Variants in PPARA observed in about 807,000 individuals in gnomAD.
PPARA encodes the protein peroxisome proliferator-activated receptor alpha.
Under a neutral mutation model 42.2 loss-of-function variants are expected in PPARA, and 22 were observed. The observed-to-expected ratio is 0.52, with a 90% confidence interval of 0.37 to 0.74. PPARA has a LOEUF of 0.74. Among genes scored for constraint, PPARA ranks in the 30% least tolerant of loss-of-function variants. PPARA has a pLI of 0.00. For synonymous variants in PPARA, 242 were observed against 239.3 expected (o/e 1.01, Z -0.10); for missense variants, 465 against 608.2 (o/e 0.76, Z 2.48).
chr22:46,175,694 A>G (rs1342632902), intron 2 of PPARA, among the ~76,000 whole-genome samples: 1 of 151,474 alleles, frequency 6.6e-6, no homozygotes, highest in African/African-American at 2.4e-5. Context: ...AGACTGGGTG[A>G]CAAAGCGAGA....
intron 2 of PPARA, among the ~76,000 whole-genome samples, chr22:46,172,389 G>A (rs941467925): frequency 2.0e-5 from 3 of 151,870 alleles, no homozygotes; most frequent in Admixed American, 2.0e-4. Context: ...AGCATTTTGG[G>A]AGGCCGAGGT....
In PPARA at chr22:46,167,223, T is replaced by A. The variant is rs1241272404; in HGVS notation, c.-126-9530T>A. Among the ~76,000 whole-genome samples the A allele has an allele frequency of 6.6e-6, 1 of 151,514 alleles. No homozygotes were observed. Among genetic ancestry groups the A allele is most frequent in the East Asian group, 1.9e-4 (1 of 5,182 alleles). On this transcript the variant is annotated intron_variant, in intron 2 of 8. Coordinates refer to ENST00000407236, the MANE Select transcript of PPARA (RefSeq NM_005036.6). The surrounding 1 kb of genome is among the most constrained non-coding windows in gnomAD (Gnocchi z 4.1). The stretch of plus-strand genomic sequence containing the variant: ...TTCAGCTCACAGCACTACAAACTCA[T>A]AATTATTATCATTATATTATACTAT...
intron 4 of PPARA, among the ~76,000 whole-genome samples, chr22:46,205,519 CATATATATATATATATATATAT>C (rs552533545): frequency 0.013 from 460 of 34,426 alleles, 19 homozygotes; most frequent in African/African-American, 0.035. Context: ...CATGCCCAGC[CATATATATATATATATATATAT>C]ATATATATAT....
Position 46,231,432 on chromosome 22 carries a change from G to C in PPARA, c.712-360G>C, listed in dbSNP as rs1427070337. On this transcript the variant is annotated intron_variant, in intron 7 of 8. Coordinates refer to ENST00000407236, the MANE Select transcript of PPARA (RefSeq NM_005036.6). This position sits in a 1 kb window ranked among gnomAD's most constrained non-coding sequence, Gnocchi z 7.7. ...GACGGGGTTTCACCATGCTGGCCAGGCTGGTCTCGAACTCTTGACCTCAGG... is the reference window on the plus strand; with the variant it reads ...GACGGGGTTTCACCATGCTGGCCAGCCTGGTCTCGAACTCTTGACCTCAGG... 1.3e-5 allele frequency among the ~76,000 whole-genome samples: 2 copies of C among 151,962 alleles called. No individual in the cohort carries two copies. Among genetic ancestry groups the C allele is most frequent in the East Asian group, 3.9e-4 (2 of 5,188 alleles).
In PPARA at chr22:46,215,305, A is replaced by C; in HGVS notation, c.341A>C (p.Tyr114Ser). ...GGGGACAAGGCCTCAGGCTATCATT[A>C]CGGAGTCCACGCGTGTGAAGGCTGC... ...ICGDKASGYH[Y>S]GVHACEGCKG... Residue 114 changes from tyrosine to serine, a missense_variant, in exon 5 of 9, where the codon TAC becomes TCC. Coordinates refer to ENST00000407236, the MANE Select transcript of PPARA (RefSeq NM_005036.6). 6.2e-7 allele frequency: 1 copy of C among 1,614,194 alleles called. No homozygotes were observed. Among genetic ancestry groups the C allele is most frequent in the Non-Finnish European group, 8.5e-7 (1 of 1,180,034 alleles).
Position 46,150,664 on chromosome 22 carries a change from C to T in PPARA, c.-210+12C>T, listed in dbSNP as rs1387999412. The T allele has an allele frequency of 3.6e-4, 4 of 10,972 alleles. No individual in the cohort carries two copies. Among genetic ancestry groups the T allele is most frequent in the Non-Finnish European group, 8.5e-4 (4 of 4,698 alleles). The allele number at this position is 10,972 out of a possible 1,614,324, so 0.7% of individuals were successfully genotyped here. Reference sequence around the variant, plus strand: ...GGACCGCGGCCCAGGTGCCCGGGGGCGGGCGGGCGGGCGGGCGGGAACGCG... The same window carrying T: ...GGACCGCGGCCCAGGTGCCCGGGGGTGGGCGGGCGGGCGGGCGGGAACGCG... On this transcript the variant is annotated intron_variant, in intron 1 of 8. Transcript: ENST00000407236. The surrounding 1 kb of genome is among the most constrained non-coding windows in gnomAD (Gnocchi z 7.5).
Position 46,184,645 on chromosome 22 carries a change from G to T in PPARA, c.-43+7809G>T, listed in dbSNP as rs4253687. On this transcript the variant is annotated intron_variant, in intron 3 of 8. Coordinates refer to ENST00000407236, the MANE Select transcript of PPARA (RefSeq NM_005036.6). This position sits in a 1 kb window ranked among gnomAD's most constrained non-coding sequence, Gnocchi z 4.4. The stretch of plus-strand genomic sequence containing the variant: ...TGGGAGGCCGAGATTACCTGAGGTC[G>T]GAAGTTCAAGACCAGCCTGGCCAAT... Among the ~76,000 whole-genome samples, 1 of 152,122 alleles carries T rather than the reference G, an allele frequency of 6.6e-6. No homozygotes were observed. Among genetic ancestry groups the T allele is most frequent in the Non-Finnish European group, 1.5e-5 (1 of 68,016 alleles).
chr22:46,228,692 T>A (rs1439306131), intron 7 of PPARA, among the ~76,000 whole-genome samples: 1 of 152,224 alleles, frequency 6.6e-6, no homozygotes, highest in African/African-American at 2.4e-5. Context: ...CCCCTGCTTA[T>A]CCTAGCCTCA....
Position 46,163,069 on chromosome 22 carries a change from CTG to C in PPARA, c.-127+11100_-127+11101del, listed in dbSNP as rs1156364998. On this transcript the variant is annotated intron_variant, in intron 2 of 8. Coordinates refer to ENST00000407236, the MANE Select transcript of PPARA (RefSeq NM_005036.6). The surrounding 1 kb of genome is among the most constrained non-coding windows in gnomAD (Gnocchi z 4.9). ...CTTCAAGGAGAGGCACGGAGGGAAA[CTG>C]AGAGCAGCCTGCAGAGGGGAAAGAG... 5.9e-5 allele frequency among the ~76,000 whole-genome samples: 9 copies of C among 152,150 alleles called. No individual in the cohort carries two copies. The highest frequency in any genetic ancestry group is 1.2e-4 in the Non-Finnish European group (8 of 68,018).
At chr22:46,177,009 G>T (rs565522929) in intron 3 of PPARA, among the ~76,000 whole-genome samples, 173 bp downstream of exon 3, 13 of 152,320 alleles carry the variant, frequency 8.5e-5, no homozygotes, top group East Asian at 1.9e-4. Flanking sequence ...AGGAGATTGA[G>T]ACCATCCTGG....
In PPARA at chr22:46,233,005, TACACAC is replaced by T. The variant is rs34036883; in HGVS notation, c.1159+782_1159+787del. ...TCAAAAAAAAAAAAAAAAAAAATTA[TACACAC>T]ACACACACACACACATTTCGTTTAT... is the stretch of plus-strand genomic sequence containing the variant. On this transcript the variant is annotated intron_variant, in intron 8 of 8. Transcript: ENST00000407236. This position sits in a 1 kb window ranked among gnomAD's most constrained non-coding sequence, Gnocchi z 7.3. Among the ~76,000 whole-genome samples the T allele has an allele frequency of 1.5e-3, 213 of 138,756 alleles. 1 individual carries two copies. The highest frequency in any genetic ancestry group is 1.5e-3 in the South Asian group (7 of 4,538). 91.0% of individuals were successfully genotyped at this position (138,756 alleles called of 152,430 possible).
intron 3 of PPARA, among the ~76,000 whole-genome samples, 174 bp downstream of exon 3, chr22:46,177,010 AC>A: frequency 6.6e-6 from 1 of 152,310 alleles, no homozygotes; most frequent in Non-Finnish European, 1.5e-5. Context: ...GGAGATTGAG[AC>A]CATCCTGGCT....
At chr22:46,189,863 C>T (rs939865342) in intron 3 of PPARA, among the ~76,000 whole-genome samples, 9 of 152,092 alleles carry the variant, frequency 5.9e-5, no homozygotes, top group South Asian at 4.1e-4. Context: ...CGTGCCACCA[C>T]GCCCAGCTAA....
Position 46,168,351 on chromosome 22 carries a change from C to CAAAAAAAAAAAAA in PPARA, c.-126-8387_-126-8375dup, listed in dbSNP as rs35345592. On this transcript the variant is annotated intron_variant, in intron 2 of 8. Transcript: ENST00000407236. Reference sequence around the variant, plus strand: ...TGGACAACAGAGCGAGACTCCATCTCAAAAAAAAAAAAAAAAAAAAAAAAA... The same window carrying CAAAAAAAAAAAAA: ...TGGACAACAGAGCGAGACTCCATCTCAAAAAAAAAAAAAAAAAAAAAAAAAAAAAAAAAAAAAA... 1.6e-3 allele frequency among the ~76,000 whole-genome samples: 23 copies of CAAAAAAAAAAAAA among 14,380 alleles called. 1 individual carries two copies. The highest frequency in any genetic ancestry group is 1.9e-3 in the African/African-American group (9 of 4,644). The allele number at this position is 14,380 out of a possible 152,430, so 9.4% of individuals were successfully genotyped here.
intron 3 of PPARA, among the ~76,000 whole-genome samples, chr22:46,181,120 C>T (rs974375536): frequency 2.0e-5 from 3 of 152,138 alleles, no homozygotes; most frequent in East Asian, 1.9e-4. Flanking sequence ...GAAACTTACA[C>T]CTTAGCCGAT....
chr22:46,191,195 A>G lies in PPARA; in HGVS notation c.-42-7147A>G, dbSNP rs1240717302. On this transcript the variant is annotated intron_variant, in intron 3 of 8. Transcript: ENST00000407236. This position sits in a 1 kb window ranked among gnomAD's most constrained non-coding sequence, Gnocchi z 4.6. ...GGTGACAGAGTGAGACTGCATCTAT[A>G]AAAACAACAACAAAAAAGAAAATAT... is the stretch of plus-strand genomic sequence containing the variant. 1.3e-5 allele frequency among the ~76,000 whole-genome samples: 2 copies of G among 152,170 alleles called. No individual in the cohort carries two copies. Among genetic ancestry groups the G allele is most frequent in the East Asian group, 3.9e-4 (2 of 5,194 alleles).
chr22:46,155,309 T>TTTTTC (rs1160227373), intron 2 of PPARA: 1 of 151,622 alleles, frequency 6.6e-6, no homozygotes. Flanking sequence ...ATAGAGTCCA[T>TTTTTC]TTTTCTTTTC....
chr22:46,210,330 CTCTT>C (rs1217431767), intron 4 of PPARA, among the ~76,000 whole-genome samples: 2 of 142,858 alleles, frequency 1.4e-5, no homozygotes, highest in Non-Finnish European at 3.0e-5. Context: ...AAAAAAAAAA[CTCTT>C]AGCCACAATT....
intron 4 of PPARA, among the ~76,000 whole-genome samples, chr22:46,214,530 T>G: frequency 1.4e-5 from 1 of 71,970 alleles, no homozygotes; most frequent in African/African-American, 5.6e-5. Context: ...GATGTGTGGA[T>G]CAGGAGATGT....
Sources: allele counts gnomAD v4.1 joint callset (sites outside exome capture counted in the v4.1 genomes callset), GRCh38; gene constraint gnomAD v4.1.1; non-coding constraint Gnocchi (gnomAD v3.1); transcripts MANE v1.5; gene names NCBI Gene and HGNC (gene_info 2026-07-23, HGNC 2026-07-21).